FMN2: variants seen among roughly 807,000 people sequenced by gnomAD.
FMN2 encodes the protein formin-2.
Under a neutral mutation model 142.3 loss-of-function variants are expected in FMN2, and 51 were observed. The observed-to-expected ratio is 0.36, with a 90% CI of 0.29 to 0.45. FMN2 has a LOEUF of 0.45. Among genes scored for constraint, FMN2 ranks in the 20% least tolerant of loss-of-function variants. The probability of loss-of-function intolerance (pLI) is 1.00; values close to 1 mark genes in which losing one functional copy is unlikely to be tolerated. For synonymous variants in FMN2, 882 were observed against 869.8 expected (o/e 1.01, Z -0.25); for missense variants, 1,936 against 2,122.8 (o/e 0.91, Z 1.73).
At chr1:240,222,016 T>TTTC (rs1667137999) in intron 6 of FMN2, among the ~76,000 whole-genome samples, 1 of 146,422 alleles carries the variant, frequency 6.8e-6, no homozygotes, top group Non-Finnish European at 1.5e-5. Flanking sequence ...CCCAGCTAAT[T>TTTC]TTTTTTTTTT....
Position 240,206,752 on chromosome 1 carries a change from T to G in FMN2, c.1987-47T>G, listed in dbSNP as rs770141427. On this transcript the variant is annotated intron_variant, in intron 4 of 17. Coordinates refer to ENST00000319653, the MANE Select transcript of FMN2 (RefSeq NM_020066.5). Reference sequence around the variant, plus strand: ...TTGCTTAATTTTTTGCTATTTGCATTTTTCCTTATTTCATAACTAACTGTG... The same window carrying G: ...TTGCTTAATTTTTTGCTATTTGCATGTTTCCTTATTTCATAACTAACTGTG... 1.9e-6 allele frequency: 3 copies of G among 1,552,796 alleles called. No homozygotes were observed. In the Admixed American group the frequency reaches 6.1e-5, roughly 32 times the overall value.
intron 3 of FMN2, among the ~76,000 whole-genome samples, chr1:240,181,161 T>C (rs538167869): frequency 2.0e-5 from 3 of 151,946 alleles, no homozygotes; most frequent in African/African-American, 4.8e-5. Flanking sequence ...CCCACCATCA[T>C]GCCCAGCTAA....
chr1:240,122,432 G>A (rs1449929793), intron 1 of FMN2, among the ~76,000 whole-genome samples: 4 of 151,866 alleles, frequency 2.6e-5, no homozygotes, highest in Admixed American at 6.6e-5. Context: ...TAAGGAGCCC[G>A]CCACCACGCC....
chr1:240,245,286 G>A (rs1668039832), intron 6 of FMN2: 2 of 343,000 alleles, frequency 5.8e-6, no homozygotes, highest in Non-Finnish European at 1.2e-5. Flanking sequence ...CAGGATGAAG[G>A]CAGTACAGAA....
Position 240,208,842 on chromosome 1 carries a change from A to G in FMN2, c.3920+110A>G, listed in dbSNP as rs77031945. The stretch of plus-strand genomic sequence containing the variant: ...GAATGTATTTTTAAGCACAACTCTA[A>G]AACTCGTCTAGATTTTTACATCAAT... On this transcript the variant is annotated intron_variant, in intron 5 of 17. Coordinates refer to ENST00000319653, the MANE Select transcript of FMN2 (RefSeq NM_020066.5). 6,199 of 1,382,668 alleles carry G rather than the reference A, an allele frequency of 4.5e-3. 230 individuals are homozygous for G. In the African/African-American group the frequency reaches 0.079, roughly 18 times the overall value. The allele number at this position is 1,382,668 out of a possible 1,614,324, so 85.6% of individuals were successfully genotyped here.
chr1:240,413,110 G>A (rs1294432963), intron 15 of FMN2, among the ~76,000 whole-genome samples: 3 of 88,760 alleles, frequency 3.4e-5, no homozygotes, highest in African/African-American at 1.4e-4. Context: ...GCGACAAAGC[G>A]AGACTCTGTC....
At chr1:240,268,841 T>C (rs1668898883) in intron 7 of FMN2, among the ~76,000 whole-genome samples, 1 of 152,070 alleles carries the variant, frequency 6.6e-6, no homozygotes, top group Admixed American at 6.6e-5. Context: ...CATTTGTATG[T>C]CTTCTTCTGA....
intron 14 of FMN2, among the ~76,000 whole-genome samples, chr1:240,384,991 T>C (rs1276140554): frequency 7.2e-5 from 11 of 152,218 alleles, no homozygotes; most frequent in Admixed American, 7.2e-4. Context: ...GAAAAAACTA[T>C]GTAATATTTA....
rs182913521 is a variant in FMN2, at chr1:240,182,063, G to A, written c.1930+3995G>A. Among the ~76,000 whole-genome samples, 241 of 152,240 alleles carry A rather than the reference G, an allele frequency of 1.6e-3. 2 individuals are homozygous for A. The highest frequency in any genetic ancestry group is 0.014 in the Admixed American group (218 of 15,296). On this transcript the variant is annotated intron_variant, in intron 3 of 17. Transcript: ENST00000319653. ...GAGTGAATGATGAAATTCTTTTGCT[G>A]GAAAAGATCTAAATAAACATCTACT...
At chr1:240,212,002 C>T (rs953099407) in intron 6 of FMN2, among the ~76,000 whole-genome samples, 3 of 152,036 alleles carry the variant, frequency 2.0e-5, no homozygotes, top group African/African-American at 4.8e-5. Flanking sequence ...AGAGTGGCTA[C>T]ATTTCTTAAC....
intron 15 of FMN2, among the ~76,000 whole-genome samples, chr1:240,433,579 A>T (rs1291542507): frequency 6.6e-6 from 1 of 152,214 alleles, no homozygotes; most frequent in Non-Finnish European, 1.5e-5. Flanking sequence ...CTAAGAGTTC[A>T]TACAGCTCAG....
At chr1:240,327,932 A>G (rs1201549816) in intron 8 of FMN2, among the ~76,000 whole-genome samples, 1 of 151,982 alleles carries the variant, frequency 6.6e-6, no homozygotes, top group African/African-American at 2.4e-5. Flanking sequence ...GGATCACCTG[A>G]GGTCAGGAGT....
At chr1:240,316,456 C>T (rs1007056793) in intron 8 of FMN2, among the ~76,000 whole-genome samples, 2 of 152,004 alleles carry the variant, frequency 1.3e-5, no homozygotes, top group African/African-American at 2.4e-5. Flanking sequence ...AAATGGGAGT[C>T]AGAGGAGGGG....
intron 2 of FMN2, among the ~76,000 whole-genome samples, chr1:240,165,631 A>ATTTTTT (rs71170711): frequency 7.2e-6 from 1 of 139,828 alleles, no homozygotes. Flanking sequence ...CCATTTTTCT[A>ATTTTTT]TTTTTTTTTT....
intron 15 of FMN2, among the ~76,000 whole-genome samples, chr1:240,414,998 TC>T (rs1180562177): frequency 6.6e-6 from 1 of 152,108 alleles, no homozygotes; most frequent in Non-Finnish European, 1.5e-5. Flanking sequence ...TGCCATCATC[TC>T]CCCAAGAAAC....
chr1:240,092,487 C>G lies in FMN2; in HGVS notation c.378C>G (p.Asp126Glu). ...CTCCAGACCTCAGCCTCTCGGCGGA[C>G]GAGGCCGGCCTGTCGGATACCGAGT... Reference protein sequence around the residue: ...TKTPDLSLSADEAGLSDTECA... With the variant: ...TKTPDLSLSAEEAGLSDTECA... The change falls in exon 1 of 18, where the codon GAC becomes GAG. Residue 126 changes from aspartate to glutamate, a missense_variant. Physicochemically the swap from Asp to Glu is conservative, Grantham distance 45 (BLOSUM62 2). This residue lies in a region of FMN2 where 751 missense variants were observed against 791.8 expected (regional missense o/e 0.95). Transcript: ENST00000319653. 1 of 1,607,184 alleles carries G rather than the reference C, an allele frequency of 6.2e-7. No homozygotes were observed. Among genetic ancestry groups the G allele is most frequent in the Non-Finnish European group, 8.5e-7 (1 of 1,176,902 alleles).
chr1:240,149,246 T>A (rs1663660539), intron 2 of FMN2, among the ~76,000 whole-genome samples: 1 of 152,216 alleles, frequency 6.6e-6, no homozygotes, highest in African/African-American at 2.4e-5. Flanking sequence ...GTTTATATTC[T>A]ATATTAAGAA....
chr1:240,359,143 TA>T (rs1420157779), intron 14 of FMN2, among the ~76,000 whole-genome samples: 1 of 152,070 alleles, frequency 6.6e-6, no homozygotes, highest in East Asian at 1.9e-4. Context: ...AAAATAAAGG[TA>T]AATTTTTAAG....
chr1:240,386,783 G>A (rs1673419088), intron 14 of FMN2, among the ~76,000 whole-genome samples: 2 of 152,274 alleles, frequency 1.3e-5, no homozygotes, highest in African/African-American at 2.4e-5. Context: ...TCAGTTTCAT[G>A]TTCAGTGGCA....
Sources: gnomAD v4.1 joint callset for allele counts (sites outside exome capture counted in the v4.1 genomes callset) on GRCh38, gnomAD v4.1.1 for gene constraint, gnomAD v4.1.1 regional missense constraint, MANE v1.5 for transcripts, NCBI Gene and HGNC (gene_info 2026-07-23, HGNC 2026-07-21) for gene names.